The following TRAK2 variants were observed in gnomAD, a reference collection of about 807,000 sequenced individuals.
TRAK2 encodes trafficking kinesin-binding protein 2.
A neutral mutation model predicts 104.6 loss-of-function variants in TRAK2; 81 were observed. The ratio of observed to expected loss-of-function variants is 0.77; its 90% CI spans 0.65 to 0.93. The LOEUF (loss-of-function observed/expected upper bound fraction) is 0.93. Among genes scored for constraint, TRAK2 ranks in the 40% least tolerant of loss-of-function variants. The probability of loss-of-function intolerance (pLI) is 0.00; values close to 1 mark genes in which losing one functional copy is unlikely to be tolerated. For synonymous variants in TRAK2, 406 were observed against 394.4 expected (o/e 1.03, Z -0.35); for missense variants, 1,002 against 1,089.0 (o/e 0.92, Z 1.12).
intron 2 of TRAK2, chr2:201,410,549 C>T: frequency 8.6e-7 from 1 of 1,160,324 alleles, no homozygotes; most frequent in Non-Finnish European, 1.3e-6. Context: ...ACACCTCACC[C>T]AAAAAGATCT....
In TRAK2 at chr2:201,381,059, T is replaced by A; in HGVS notation, c.2229A>T (p.Lys743Asn). The change falls in exon 16 of 16, where the codon AAA (lysine) becomes AAT (asparagine). Residue 743 changes from lysine to asparagine, a missense_variant. Coordinates refer to ENST00000332624, the MANE Select transcript of TRAK2 (RefSeq NM_015049.3). ...CAGAGATGCCTCGCTCTTGTAGAAG[T>A]TTGGCCAAGCTCATGGTGCTACTGA... ...TTFSSTMSLA[K>N]LLQERGISAK... 1 of 1,613,988 alleles carries A rather than the reference T, an allele frequency of 6.2e-7. No homozygotes were observed. The highest frequency in any genetic ancestry group is 8.5e-7 in the Non-Finnish European group (1 of 1,179,976).
intron 10 of TRAK2, among the ~76,000 whole-genome samples, chr2:201,392,288 GCCTC>G (rs1471707327): frequency 1.3e-5 from 2 of 152,052 alleles, no homozygotes; most frequent in Non-Finnish European, 2.9e-5. Flanking sequence ...ACAAAATTAT[GCCTC>G]CCTATTTTTA....
intron 2 of TRAK2, chr2:201,412,241 T>C (rs762312562): frequency 2.9e-5 from 29 of 1,003,620 alleles, no homozygotes; most frequent in Non-Finnish European, 4.3e-5. Flanking sequence ...AGTAGAACCT[T>C]TGGCAGTCCG....
intron 8 of TRAK2, 40 bp downstream of exon 8, chr2:201,395,274 G>A (rs1951491221): frequency 6.5e-7 from 1 of 1,550,340 alleles, no homozygotes; most frequent in South Asian, 1.1e-5. Context: ...TACTATGTGA[G>A]TGCTTAACAA....
intron 1 of TRAK2, among the ~76,000 whole-genome samples, chr2:201,429,898 T>A (rs139662453): frequency 6.6e-6 from 1 of 152,378 alleles, no homozygotes; most frequent in East Asian, 1.9e-4. Context: ...GGCGAGGAGA[T>A]GCATTCCTTT....
At position 201,385,598 on chromosome 2, in the gene TRAK2, T is replaced by C. The variant is rs1263016455; in HGVS notation, c.1963+620A>G. Among the ~76,000 whole-genome samples, 7 of 152,314 alleles carry C rather than the reference T, an allele frequency of 4.6e-5. No homozygotes were observed. The East Asian group carries it at 1.4e-3, about 29-fold the overall frequency. On this transcript the variant is annotated intron_variant, in intron 14 of 15. Transcript: ENST00000332624. ...CTAGTTTTAGTGTAATATCAAAAAA[T>C]AGCTACACATATCTGAAAAGACTAT...
chr2:201,401,233 A>G (rs1951548471), intron 3 of TRAK2, 139 bp from the exon 4 acceptor site: 2 of 504,898 alleles, frequency 4.0e-6, no homozygotes, highest in South Asian at 3.9e-5. Flanking sequence ...AATATATGTG[A>G]AAAAAAAGAA....
chr2:201,423,963 T>C (rs111977582), intron 1 of TRAK2, among the ~76,000 whole-genome samples: 291 of 152,336 alleles, frequency 1.9e-3, no homozygotes, highest in African/African-American at 6.5e-3. Flanking sequence ...AACTCTAATA[T>C]ATTAACTCAG....
intron 1 of TRAK2, among the ~76,000 whole-genome samples, chr2:201,442,245 G>T (rs995700101): frequency 6.6e-6 from 1 of 151,660 alleles, no homozygotes; most frequent in Admixed American, 6.6e-5. Flanking sequence ...CAAAAAATTA[G>T]CTGGGCAAGG....
intron 13 of TRAK2, among the ~76,000 whole-genome samples, chr2:201,386,915 A>G (rs970252992): frequency 6.6e-6 from 1 of 152,224 alleles, no homozygotes; most frequent in African/African-American, 2.4e-5. Flanking sequence ...GAAGAAGATA[A>G]TGAAAAGGAG....
chr2:201,451,222 C>G (rs780544492), intron 1 of TRAK2, 128 bp downstream of exon 1: 1 of 152,436 alleles, frequency 6.6e-6, no homozygotes. Context: ...CCTCCAGCAC[C>G]CAGCCTCCGG....
intron 1 of TRAK2, among the ~76,000 whole-genome samples, chr2:201,429,650 G>A (rs562301650): frequency 6.1e-4 from 93 of 152,136 alleles, no homozygotes; most frequent in South Asian, 2.7e-3. Context: ...CCACTTGATC[G>A]AATTGGCTAC....
At chr2:201,413,250 G>T in intron 2 of TRAK2, 1 of 1,358,774 alleles carries the variant, frequency 7.4e-7, no homozygotes, top group African/African-American at 1.4e-5. Context: ...TACAGCACTA[G>T]TGACATCAGC....
rs1401049344 is a variant in TRAK2, at chr2:201,380,330, A to C, written c.*213T>G. The C allele has an allele frequency of 6.8e-6, 4 of 584,936 alleles. No homozygotes were observed. The highest frequency in any genetic ancestry group is 1.2e-5 in the Non-Finnish European group (4 of 330,806). 36.2% of individuals were successfully genotyped at this position (584,936 alleles called of 1,614,324 possible). A position where few individuals can be genotyped will look rare whatever the true frequency, so the allele number is the denominator to read the frequency against. On this transcript the variant is annotated 3_prime_UTR_variant, in exon 16 of 16. Coordinates refer to ENST00000332624, the MANE Select transcript of TRAK2 (RefSeq NM_015049.3). ...TTAAACCTTTCTTTTCTCCCTCTGA[A>C]CACTCATGGCCCATTCATTTATACT...
At chr2:201,389,989 G>A in intron 10 of TRAK2, 109 bp from the exon 11 acceptor site, 10 of 743,968 alleles carry the variant, frequency 1.3e-5, no homozygotes, top group South Asian at 4.5e-5. Context: ...AAATAGTCAA[G>A]GCTAACATTC....
chr2:201,420,211 T>G (rs1021798603), intron 2 of TRAK2, among the ~76,000 whole-genome samples: 2 of 152,090 alleles, frequency 1.3e-5, no homozygotes, highest in Non-Finnish European at 2.9e-5. Flanking sequence ...GAGTCCGACA[T>G]AGACAGGAAA....
intron 8 of TRAK2, 120 bp downstream of exon 8, chr2:201,395,194 A>C: frequency 1.3e-6 from 1 of 793,018 alleles, no homozygotes; most frequent in Admixed American, 2.6e-5. Flanking sequence ...CAATCAGATT[A>C]GGGCATTTTA....
At chr2:201,399,279 T>A in intron 5 of TRAK2, 98 bp downstream of exon 5, 1 of 729,568 alleles carries the variant, frequency 1.4e-6, no homozygotes, top group Non-Finnish European at 2.4e-6. Flanking sequence ...TGGTGTTATT[T>A]ATCTATTGCC....
chr2:201,410,583 G>T, intron 2 of TRAK2: 1 of 1,250,396 alleles, frequency 8.0e-7, no homozygotes, highest in Non-Finnish European at 1.2e-6. Context: ...TAGCTGAACT[G>T]CTATTGGTCA....
Sources: gnomAD v4.1 joint callset for allele counts (sites outside exome capture counted in the v4.1 genomes callset) on GRCh38, gnomAD v4.1.1 for gene constraint, MANE v1.5 for transcripts, NCBI Gene and HGNC (gene_info 2026-07-23, HGNC 2026-07-21) for gene names.